TMEM209: variants seen among roughly 807,000 people sequenced by gnomAD.
The protein encoded by TMEM209 is transmembrane protein 209.
A neutral mutation model predicts 76.2 loss-of-function variants in TMEM209; 65 were observed. The ratio of observed to expected loss-of-function variants is 0.85; its 90% CI spans 0.70 to 1.05. The LOEUF (loss-of-function observed/expected upper bound fraction) is 1.05, where lower values mean the gene tolerates loss of function less well. Ranked by LOEUF, TMEM209 falls within the 50% of genes least tolerant of loss-of-function variation. The pLI is 0.00. For synonymous variants in TMEM209, 239 were observed against 237.6 expected, an observed-to-expected ratio of 1.01 and a Z score of -0.06; for missense variants, 623 against 685.5, an observed-to-expected ratio of 0.91 and a Z score of 1.02.
At chr7:130,170,889 T>C (rs1394896061) in intron 13 of TMEM209, among the ~76,000 whole-genome samples, 10 of 151,218 alleles carry the variant, frequency 6.6e-5, no homozygotes, top group African/African-American at 2.4e-4. Context: ...AGTGCAGTGG[T>C]GTGATCTCAG....
intron 14 of TMEM209, 104 bp downstream of exon 14, chr7:130,170,296 C>T: frequency 1.1e-6 from 1 of 942,622 alleles, no homozygotes; most frequent in South Asian, 1.6e-5. Flanking sequence ...ATCTATTGTT[C>T]AATCCATAAA....
chr7:130,193,977 T>A (rs1797884690), intron 5 of TMEM209, among the ~76,000 whole-genome samples: 1 of 151,334 alleles, frequency 6.6e-6, no homozygotes, highest in Admixed American at 6.6e-5. Context: ...GGTGGGCGAA[T>A]CACGGGGTCA....
At chr7:130,190,937 A>C (rs1490014577) in intron 6 of TMEM209, among the ~76,000 whole-genome samples, 3 of 152,092 alleles carry the variant, frequency 2.0e-5, no homozygotes, top group African/African-American at 7.2e-5. Context: ...TCAAGGCTGC[A>C]GCGAGCCAAG....
intron 8 of TMEM209, among the ~76,000 whole-genome samples, chr7:130,182,995 C>T (rs996357669): frequency 6.6e-6 from 1 of 152,094 alleles, no homozygotes. Context: ...TTATACGGTA[C>T]AGGTATACAT....
At chr7:130,174,180 A>T (rs1797165457) in intron 11 of TMEM209, among the ~76,000 whole-genome samples, 1 of 152,148 alleles carries the variant, frequency 6.6e-6, no homozygotes, top group African/African-American at 2.4e-5. Flanking sequence ...TATTTCCTAC[A>T]AAGATAAGGA....
intron 5 of TMEM209, among the ~76,000 whole-genome samples, chr7:130,201,254 C>T (rs1417200541): frequency 1.3e-5 from 2 of 151,988 alleles, no homozygotes; most frequent in African/African-American, 4.8e-5. Context: ...TTCAACGCCC[C>T]CTTATATTAA....
chr7:130,188,345 C>T (rs1453652551), intron 6 of TMEM209, among the ~76,000 whole-genome samples: 1 of 151,974 alleles, frequency 6.6e-6, no homozygotes, highest in East Asian at 1.9e-4. Flanking sequence ...ACTTGTAATC[C>T]CAGCACTTTG....
rs1201205751 is a variant in TMEM209 at position 130,165,776 on chromosome 7, G to C, written c.*675C>G. On this transcript the variant is annotated 3_prime_UTR_variant, in exon 15 of 15. Coordinates refer to ENST00000397622, the MANE Select transcript of TMEM209 (RefSeq NM_032842.4). ...TTACACTGTTAAATAAAATAACTGA[G>C]GCTGGGCGCAGTGGCTCGCACCTAT... 2 of 151,678 alleles carry C rather than the reference G, an allele frequency of 1.3e-5. No homozygotes were observed. The highest frequency in any genetic ancestry group is 4.8e-5 in the African/African-American group (2 of 41,278). 9.4% of individuals were successfully genotyped at this position (151,678 alleles called of 1,614,324 possible).
At chr7:130,201,091 A>C (rs1487821897) in intron 5 of TMEM209, among the ~76,000 whole-genome samples, 1 of 8,640 alleles carries the variant, frequency 1.2e-4, no homozygotes, top group South Asian at 7.7e-3. Context: ...TCTGTCTCAA[A>C]AAAAAAAAAA....
intron 11 of TMEM209, 77 bp from the exon 12 acceptor site, chr7:130,174,016 G>A: frequency 1.0e-6 from 1 of 985,338 alleles, no homozygotes; most frequent in Non-Finnish European, 1.6e-6. Flanking sequence ...AGAAACATCT[G>A]TATTTATAAC....
chr7:130,192,423 T>C, intron 6 of TMEM209, 199 bp downstream of exon 6: 1 of 550,572 alleles, frequency 1.8e-6, no homozygotes, highest in Non-Finnish European at 3.2e-6. Flanking sequence ...AGGTTTGAGA[T>C]TTCTTAGTTT....
chr7:130,182,342 T>C (rs1249804652), intron 8 of TMEM209, among the ~76,000 whole-genome samples: 1 of 152,210 alleles, frequency 6.6e-6, no homozygotes, highest in Non-Finnish European at 1.5e-5. Flanking sequence ...ATTTTCTGAT[T>C]ATTATGTTTA....
At chr7:130,180,508 A>G (rs1451061834) in intron 9 of TMEM209, among the ~76,000 whole-genome samples, 1 of 151,934 alleles carries the variant, frequency 6.6e-6, no homozygotes, top group Non-Finnish European at 1.5e-5. Context: ...AGCTGGGATT[A>G]TAGGCGCCTG....
At chr7:130,182,191 C>G (rs926689292) in intron 8 of TMEM209, 1 of 152,892 alleles carries the variant, frequency 6.5e-6, no homozygotes, top group African/African-American at 2.4e-5. Flanking sequence ...ATCCGCCTGC[C>G]TCAGCCTCCC....
At chr7:130,186,876 T>C (rs892013880) in intron 6 of TMEM209, among the ~76,000 whole-genome samples, 2 of 152,174 alleles carry the variant, frequency 1.3e-5, no homozygotes, top group Non-Finnish European at 2.9e-5. Flanking sequence ...TTTGGAAATC[T>C]GGGCAACACA....
chr7:130,178,128 G>C (rs3946323), intron 10 of TMEM209, among the ~76,000 whole-genome samples: 1 of 152,016 alleles, frequency 6.6e-6, no homozygotes, highest in African/African-American at 2.4e-5. Context: ...AAAATTAAGA[G>C]AAATAAGGCT....
intron 7 of TMEM209, among the ~76,000 whole-genome samples, chr7:130,184,910 T>C (rs865828288): frequency 1.3e-5 from 2 of 152,374 alleles, no homozygotes; most frequent in African/African-American, 4.8e-5. Context: ...ATGTGTTAAG[T>C]ACAATTATAT....
rs770061228 is a variant in TMEM209 at position 130,192,725 on chromosome 7, G to A, written c.672C>T (p.Thr224=). ...CTTTGTCAGTAGGTGAGTTGTAGAC[G>A]GTAGGTGAAGAACGGTAGCGAGATC... The part of the protein sequence containing the change: ...GLRSRYRSSP[T]VYNSPTDKED... Residue 224 remains threonine, a synonymous_variant, in exon 6 of 15, where the codon ACC becomes ACT. Transcript: ENST00000397622. 73 of 1,613,722 alleles carry A rather than the reference G, an allele frequency of 4.5e-5. No homozygotes were observed. The highest frequency in any genetic ancestry group is 6.0e-5 in the Non-Finnish European group (71 of 1,179,796).
At chr7:130,172,699 CA>C (rs1427216702) in intron 13 of TMEM209, among the ~76,000 whole-genome samples, 1 of 151,660 alleles carries the variant, frequency 6.6e-6, no homozygotes, top group African/African-American at 2.4e-5. Context: ...TTTTTATAGC[CA>C]TTAAGAAGTA....
Sources: allele counts gnomAD v4.1 joint callset (sites outside exome capture counted in the v4.1 genomes callset), GRCh38; gene constraint gnomAD v4.1.1; transcripts MANE v1.5; gene names NCBI Gene and HGNC (gene_info 2026-07-23, HGNC 2026-07-21).